The following DCC variants were observed in gnomAD, a reference collection of about 807,000 sequenced individuals.
The protein encoded by DCC is DCC netrin 1 receptor.
In DCC, 58 loss-of-function variants were observed where a neutral mutation model predicts 172.5. That is an observed-to-expected ratio of 0.34 (90% CI 0.27 to 0.42). The LOEUF (loss-of-function observed/expected upper bound fraction) is 0.42. Ranked by LOEUF, DCC falls within the 10% of genes least tolerant of loss-of-function variation. DCC has a pLI of 1.00. For missense variants in DCC, 1,740 were observed against 1,791.0 expected, an observed-to-expected ratio of 0.97 and a Z score of 0.51; for synonymous variants, 709 against 644.5, an observed-to-expected ratio of 1.10 and a Z score of -1.52.
intron 2 of DCC, among the ~76,000 whole-genome samples, chr18:52,812,593 TTAGA>T (rs1377011368): frequency 2.0e-5 from 3 of 152,204 alleles, no homozygotes; most frequent in Admixed American, 6.5e-5. Context: ...TATGATTTAG[TTAGA>T]TAGCCAAAAC....
At chr18:52,695,323 T>A (rs1337832824) in intron 1 of DCC, among the ~76,000 whole-genome samples, 1 of 152,218 alleles carries the variant, frequency 6.6e-6, no homozygotes, top group Non-Finnish European at 1.5e-5. Flanking sequence ...TGTTATGTAA[T>A]CCTTTATTTG....
intron 2 of DCC, among the ~76,000 whole-genome samples, chr18:52,859,987 T>A (rs1224041294): frequency 6.6e-6 from 1 of 152,198 alleles, no homozygotes; most frequent in African/African-American, 2.4e-5. Context: ...TCATCTTGAA[T>A]CAGTTTTGTA....
At chr18:53,420,617 G>C (rs1261809416) in intron 21 of DCC, among the ~76,000 whole-genome samples, 1 of 152,124 alleles carries the variant, frequency 6.6e-6, no homozygotes, top group Admixed American at 6.6e-5. Context: ...GTCTTCCCGT[G>C]GTGGAGAGTG....
chr18:52,445,253 C>CTAA (rs993463484), intron 1 of DCC, among the ~76,000 whole-genome samples: 31 of 151,994 alleles, frequency 2.0e-4, no homozygotes, highest in Non-Finnish European at 1.6e-4. Flanking sequence ...GTAATAGCAA[C>CTAA]TAATAATAAT....
At chr18:52,922,397 A>G (rs985108941) in intron 3 of DCC, among the ~76,000 whole-genome samples, 1 of 152,050 alleles carries the variant, frequency 6.6e-6, no homozygotes, top group Non-Finnish European at 1.5e-5. Context: ...AATATGTCCT[A>G]TGTCCCCTCC....
chr18:52,522,087 AATAAAATTACTAAATAATC>A (rs1440988198), intron 1 of DCC, among the ~76,000 whole-genome samples: 2 of 152,218 alleles, frequency 1.3e-5, no homozygotes, highest in East Asian at 3.8e-4. Flanking sequence ...TGAGAGATAG[AATAAAATTACTAAATAATC>A]ATAAGGCAAT....
chr18:52,456,197 G>A (rs1250561958), intron 1 of DCC, among the ~76,000 whole-genome samples: 1 of 152,032 alleles, frequency 6.6e-6, no homozygotes, highest in Non-Finnish European at 1.5e-5. Flanking sequence ...TAAGGATGAA[G>A]CTTCAGATAT....
intron 1 of DCC, among the ~76,000 whole-genome samples, chr18:52,565,688 GT>G (rs529761938): frequency 2.6e-5 from 4 of 151,976 alleles, no homozygotes; most frequent in African/African-American, 9.7e-5. Flanking sequence ...TGATGGGGTT[GT>G]TTTTTTCTTG....
intron 2 of DCC, among the ~76,000 whole-genome samples, chr18:52,843,265 G>T (rs2038835458): frequency 6.6e-6 from 1 of 152,110 alleles, no homozygotes; most frequent in African/African-American, 2.4e-5. Flanking sequence ...AAGAATTCAA[G>T]GATGATTTAG....
At chr18:52,344,425 C>A (rs1422374967) in intron 1 of DCC, among the ~76,000 whole-genome samples, 2 of 152,144 alleles carry the variant, frequency 1.3e-5, no homozygotes, top group African/African-American at 4.8e-5. Context: ...GGAATTCTAG[C>A]AACTCAGTTA....
Position 53,534,952 on chromosome 18 carries a change from T to G in DCC, c.*4299T>G, listed in dbSNP as rs117031676. ...CCTTTGTACATTGTCATCCTATGAT[T>G]GTTGTTGGTAGAAGAGCAAGAGCAA... On this transcript the variant is annotated 3_prime_UTR_variant, in exon 29 of 29. Coordinates refer to ENST00000442544, the MANE Select transcript of DCC (RefSeq NM_005215.4). 1.3e-5 allele frequency: 2 copies of G among 152,316 alleles called. 1 individual carries two copies. Among genetic ancestry groups the G allele is most frequent in the East Asian group, 3.9e-4 (2 of 5,182 alleles). The allele number at this position is 152,316 out of a possible 1,614,324, so 9.4% of individuals were successfully genotyped here.
intron 1 of DCC, among the ~76,000 whole-genome samples, chr18:52,701,099 G>C (rs1301650595): frequency 6.6e-6 from 1 of 152,084 alleles, no homozygotes; most frequent in African/African-American, 2.4e-5. Context: ...CTTCTGATAA[G>C]GACTTATCTA....
At chr18:52,378,212 A>C (rs1985434182) in intron 1 of DCC, among the ~76,000 whole-genome samples, 2 of 151,976 alleles carry the variant, frequency 1.3e-5, no homozygotes, top group Non-Finnish European at 2.9e-5. Context: ...GTCTTTACTT[A>C]TTTTCATAAT....
At chr18:53,218,714 A>G (rs1008360680) in intron 12 of DCC, among the ~76,000 whole-genome samples, 1 of 152,182 alleles carries the variant, frequency 6.6e-6, no homozygotes, top group East Asian at 1.9e-4. Flanking sequence ...TTTCCAGAAA[A>G]AGATAATGGT....
At chr18:53,254,967 A>T (rs996663299) in intron 12 of DCC, among the ~76,000 whole-genome samples, 1 of 152,060 alleles carries the variant, frequency 6.6e-6, no homozygotes, top group Non-Finnish European at 1.5e-5. Context: ...AAGACTTTAG[A>T]GCCCTGCCCT....
At chr18:52,948,772 C>A (rs909583931) in intron 5 of DCC, among the ~76,000 whole-genome samples, 4 of 152,168 alleles carry the variant, frequency 2.6e-5, no homozygotes, top group African/African-American at 9.7e-5. Flanking sequence ...TTACAGCAGA[C>A]TTTATTCTTA....
At position 53,499,182 on chromosome 18, in the gene DCC, G is replaced by A. The variant is rs2046064542; in HGVS notation, c.3899-116G>A. ...ATGACAATGTTCATAACTTGGAGAA[G>A]AGACTGACCACATCCTATCACATCT... On this transcript the variant is annotated intron_variant, in intron 26 of 28. Coordinates refer to ENST00000442544, the MANE Select transcript of DCC (RefSeq NM_005215.4). 6.0e-6 allele frequency: 6 copies of A among 1,007,268 alleles called. No individual in the cohort carries two copies. In the Middle Eastern group the frequency reaches 9.0e-4, roughly 151 times the overall value. 62.4% of individuals were successfully genotyped at this position (1,007,268 alleles called of 1,614,324 possible). A position where few individuals can be genotyped will look rare whatever the true frequency, so the allele number is the denominator to read the frequency against.
At chr18:53,521,758 TG>T (rs1316908920) in intron 27 of DCC, among the ~76,000 whole-genome samples, 6 of 152,142 alleles carry the variant, frequency 3.9e-5, no homozygotes, top group African/African-American at 1.4e-4. Context: ...CAGAAGTAGC[TG>T]AGTTTCTTAA....
intron 5 of DCC, among the ~76,000 whole-genome samples, chr18:52,947,674 C>G (rs1371555806): frequency 6.6e-6 from 1 of 152,180 alleles, no homozygotes; most frequent in African/African-American, 2.4e-5. Context: ...GGGATCCAGT[C>G]TGCTCATGGG....
Sources: allele counts gnomAD v4.1 joint callset (sites outside exome capture counted in the v4.1 genomes callset), GRCh38; gene constraint gnomAD v4.1.1; transcripts MANE v1.5; gene names NCBI Gene and HGNC (gene_info 2026-07-23, HGNC 2026-07-21).